ZNF143: variants seen among roughly 807,000 people sequenced by gnomAD.
ZNF143 encodes SPH-binding factor.
ZNF143 carries 49 observed loss-of-function variants against 74.1 expected under a neutral mutation model. The ratio of observed to expected loss-of-function variants is 0.66; its 90% CI spans 0.53 to 0.84. The LOEUF (loss-of-function observed/expected upper bound fraction) is 0.84, where lower values mean the gene tolerates loss of function less well. Among genes scored for constraint, ZNF143 ranks in the 40% least tolerant of loss-of-function variants. The probability of loss-of-function intolerance (pLI) is 0.00; values close to 1 mark genes in which losing one functional copy is unlikely to be tolerated. For synonymous variants in ZNF143, 304 were observed against 282.8 expected, an observed-to-expected ratio of 1.07 and a Z score of -0.75; for missense variants, 637 against 793.4, an observed-to-expected ratio of 0.80 and a Z score of 2.37.
At chr11:9,478,152 T>A (rs1484447672) in intron 5 of ZNF143, among the ~76,000 whole-genome samples, 10 of 152,180 alleles carry the variant, frequency 6.6e-5, no homozygotes, top group Non-Finnish European at 1.2e-4. Flanking sequence ...ATTTTCTGAT[T>A]GCTAAGGAAA....
intron 3 of ZNF143, among the ~76,000 whole-genome samples, chr11:9,473,243 TAGCTG>T (rs1454705087): frequency 6.6e-6 from 1 of 151,834 alleles, no homozygotes; most frequent in South Asian, 2.1e-4. Flanking sequence ...AATACAAAAT[TAGCTG>T]GGCATGGTGG....
At chr11:9,492,857 A>G (rs1235712520) in intron 7 of ZNF143, among the ~76,000 whole-genome samples, 1 of 152,140 alleles carries the variant, frequency 6.6e-6, no homozygotes, top group Non-Finnish European at 1.5e-5. Context: ...AAGACAGTTG[A>G]TTAAAGTTTC....
rs376381611 is a variant in ZNF143 at position 9,468,601 on chromosome 11, A to C, written c.-7-2701A>C. 2.4e-4 allele frequency among the ~76,000 whole-genome samples: 36 copies of C among 152,304 alleles called. 1 individual carries two copies. Among genetic ancestry groups the C allele is most frequent in the African/African-American group, 8.7e-4 (36 of 41,582 alleles). On this transcript the variant is annotated intron_variant, in intron 1 of 15. Coordinates refer to ENST00000396602, the MANE Select transcript of ZNF143 (RefSeq NM_003442.6). ...ATCATATGGAGTCTGCGAGAACTCT[A>C]TCTCATTTGCTAGCACGTTCTAATT... is the stretch of plus-strand genomic sequence containing the variant.
At chr11:9,523,715 C>T (rs2134267561) in intron 14 of ZNF143, among the ~76,000 whole-genome samples, 1 of 149,908 alleles carries the variant, frequency 6.7e-6, no homozygotes, top group East Asian at 2.0e-4. Flanking sequence ...GCCTGGGCGA[C>T]AAAGTGAGAC....
At chr11:9,472,854 C>T (rs1856663918) in intron 3 of ZNF143, 85 bp downstream of exon 3, 2 of 862,192 alleles carry the variant, frequency 2.3e-6, no homozygotes, top group Non-Finnish European at 3.4e-6. Flanking sequence ...TACCACCTTT[C>T]CTATGTCTCC....
chr11:9,522,612 G>C (rs1848975528), intron 14 of ZNF143, among the ~76,000 whole-genome samples: 1 of 152,178 alleles, frequency 6.6e-6, no homozygotes. Context: ...TCCTGCCTCA[G>C]CCTCCCAAGT....
intron 7 of ZNF143, among the ~76,000 whole-genome samples, chr11:9,483,411 C>G (rs1847329683): frequency 1.4e-5 from 2 of 146,026 alleles, no homozygotes; most frequent in African/African-American, 2.6e-5. Flanking sequence ...AGTTCTCCTG[C>G]TCAGCCTCCC....
At chr11:9,486,359 T>C (rs1385912041) in intron 7 of ZNF143, among the ~76,000 whole-genome samples, 2 of 52,050 alleles carry the variant, frequency 3.8e-5, no homozygotes, top group African/African-American at 7.7e-5. Flanking sequence ...ATATTATATA[T>C]ATATTATATA....
chr11:9,522,752 C>A (rs896541678), intron 14 of ZNF143, among the ~76,000 whole-genome samples: 2 of 151,844 alleles, frequency 1.3e-5, no homozygotes, highest in African/African-American at 4.9e-5. Flanking sequence ...CCTTGGCCTC[C>A]CAGAGTGTTG....
chr11:9,511,295 GT>G (rs1417110965), intron 12 of ZNF143, among the ~76,000 whole-genome samples: 6 of 147,032 alleles, frequency 4.1e-5, no homozygotes, highest in African/African-American at 1.5e-4. Context: ...GTTTTTGTTT[GT>G]TTGTTTGTTT....
intron 1 of ZNF143, among the ~76,000 whole-genome samples, chr11:9,467,999 C>T (rs922126354): frequency 3.9e-5 from 6 of 152,042 alleles, no homozygotes; most frequent in Non-Finnish European, 2.9e-5. Flanking sequence ...GGGGTAATAA[C>T]GTACAGTCTG....
At chr11:9,494,343 C>T (rs530233530) in intron 7 of ZNF143, among the ~76,000 whole-genome samples, 17 of 152,218 alleles carry the variant, frequency 1.1e-4, no homozygotes, top group Admixed American at 2.0e-4. Flanking sequence ...CACTCTGCCA[C>T]CACCCAGGCT....
intron 14 of ZNF143, among the ~76,000 whole-genome samples, chr11:9,520,954 A>G (rs1378418709): frequency 6.6e-6 from 1 of 152,166 alleles, no homozygotes; most frequent in East Asian, 1.9e-4. Flanking sequence ...GTATTTTTGT[A>G]TTTTGCTGGA....
rs2133882177 is a variant in ZNF143, at chr11:9,474,554, G to A, written c.294G>A (p.Gly98=). Residue 98 remains glycine, a synonymous_variant, in exon 5 of 16, where the codon GGG becomes GGA. Coordinates refer to ENST00000396602, the MANE Select transcript of ZNF143 (RefSeq NM_003442.6). ...AATGTAAGCATTGTTCTTGAGCAGG[G>A]GACAGTTTGCGTCTAGAGGATGGTC... ...VQHVPIPKST[G]DSLRLEDGQA... The A allele has an allele frequency of 6.2e-7, 1 of 1,614,056 alleles. No individual in the cohort carries two copies.
chr11:9,523,065 G>A (rs552694588), intron 14 of ZNF143, among the ~76,000 whole-genome samples: 1 of 152,294 alleles, frequency 6.6e-6, no homozygotes, highest in South Asian at 2.1e-4. Flanking sequence ...CATCATGCCT[G>A]GCTAAGCAAT....
intron 1 of ZNF143, among the ~76,000 whole-genome samples, chr11:9,467,830 G>GT (rs1365666121): frequency 7.3e-6 from 1 of 137,020 alleles, no homozygotes; most frequent in African/African-American, 2.6e-5. Context: ...GGCGACAAGA[G>GT]TGAGACTCCA....
At position 9,512,299 on chromosome 11, in the gene ZNF143, G is replaced by A. The variant is rs1039351864; in HGVS notation, c.1376-149G>A. ...TTGCAAAAGTGGAGGTGGAGGAATT[G>A]GAAGGAGGTCCTGGAAGCCATTTTC... On this transcript the variant is annotated intron_variant, in intron 12 of 15. Coordinates refer to ENST00000396602, the MANE Select transcript of ZNF143 (RefSeq NM_003442.6). 16 of 926,356 alleles carry A rather than the reference G, an allele frequency of 1.7e-5. No individual in the cohort carries two copies. In the African/African-American group the frequency reaches 2.3e-4, roughly 14 times the overall value. The allele number at this position is 926,356 out of a possible 1,614,324, so 57.4% of individuals were successfully genotyped here. A position where few individuals can be genotyped will look rare whatever the true frequency, so the allele number is the denominator to read the frequency against.
At chr11:9,486,151 C>A (rs988517448) in intron 7 of ZNF143, among the ~76,000 whole-genome samples, 1 of 148,256 alleles carries the variant, frequency 6.7e-6, no homozygotes, top group Non-Finnish European at 1.5e-5. Flanking sequence ...ATTGGATAGC[C>A]ATGGGGGCCA....
chr11:9,510,822 T>C (rs1005183402), intron 12 of ZNF143, among the ~76,000 whole-genome samples: 1 of 152,164 alleles, frequency 6.6e-6, no homozygotes, highest in Non-Finnish European at 1.5e-5. Flanking sequence ...TTGACAATTA[T>C]AGTAGTAATG....
Sources: gnomAD v4.1 joint callset for allele counts (sites outside exome capture counted in the v4.1 genomes callset) on GRCh38, gnomAD v4.1.1 for gene constraint, MANE v1.5 for transcripts, NCBI Gene and HGNC (gene_info 2026-07-23, HGNC 2026-07-21) for gene names.